Variants in ANKRD33B observed in about 807,000 individuals in gnomAD.
ANKRD33B encodes ankyrin repeat domain-containing protein 33B.
ANKRD33B carries 6 observed loss-of-function variants against 21.5 expected under a neutral mutation model. The observed-to-expected ratio is 0.28, with a 90% CI of 0.15 to 0.55. The LOEUF is 0.55. Ranked by LOEUF, ANKRD33B falls within the 20% of genes least tolerant of loss-of-function variation. The probability of loss-of-function intolerance (pLI) is 0.94; values close to 1 mark genes in which losing one functional copy is unlikely to be tolerated. For missense variants in ANKRD33B, 698 were observed against 747.2 expected, an observed-to-expected ratio of 0.93 and a Z score of 0.77; for synonymous variants, 347 against 342.4, an observed-to-expected ratio of 1.01 and a Z score of -0.15.
intron 2 of ANKRD33B, chr5:10,624,642 C>T (rs1171192100): frequency 4.7e-6 from 2 of 423,006 alleles, no homozygotes; most frequent in Admixed American, 5.4e-5. Context: ...TAAACAAACA[C>T]AGATTAAAAA....
At chr5:10,574,646 AG>A (rs1190955753) in intron 1 of ANKRD33B, among the ~76,000 whole-genome samples, 1 of 152,246 alleles carries the variant, frequency 6.6e-6, no homozygotes, top group Non-Finnish European at 1.5e-5. Flanking sequence ...ATTCTCTGAA[AG>A]TAATAATAAA....
At chr5:10,649,121 C>CA (rs1232067808) in intron 3 of ANKRD33B, 145 bp from the exon 4 acceptor site, 4 of 1,407,720 alleles carry the variant, frequency 2.8e-6, no homozygotes, top group Non-Finnish European at 3.7e-6. Context: ...ACAGGGTTCG[C>CA]AGAGTGAACT....
At position 10,650,145 on chromosome 5, in the gene ANKRD33B, T is replaced by G; in HGVS notation, c.*32T>G. On this transcript the variant is annotated 3_prime_UTR_variant, in exon 4 of 4. Transcript: ENST00000296657. Reference sequence around the variant, plus strand: ...GTGTGCCTGGCGCTGGGGCCGGGGCTGGGGCCGGGGCGGGGCCGCAGGGCT... The same window carrying G: ...GTGTGCCTGGCGCTGGGGCCGGGGCGGGGGCCGGGGCGGGGCCGCAGGGCT... The G allele has an allele frequency of 2.7e-6, 2 of 740,618 alleles. No individual in the cohort carries two copies. The highest frequency in any genetic ancestry group is 4.3e-5 in the South Asian group (2 of 46,368). 45.9% of individuals were successfully genotyped at this position (740,618 alleles called of 1,614,324 possible). A position where few individuals can be genotyped will look rare whatever the true frequency, so the allele number is the denominator to read the frequency against.
intron 1 of ANKRD33B, among the ~76,000 whole-genome samples, chr5:10,610,859 A>G (rs1736154531): frequency 6.6e-6 from 1 of 152,134 alleles, no homozygotes; most frequent in African/African-American, 2.4e-5. Context: ...AGCTTGGCCA[A>G]CGTGGCGAAA....
intron 1 of ANKRD33B, among the ~76,000 whole-genome samples, chr5:10,600,201 A>G (rs1313366231): frequency 1.3e-5 from 2 of 152,236 alleles, no homozygotes; most frequent in Non-Finnish European, 2.9e-5. Flanking sequence ...GAGATAATTT[A>G]CATACAGTGA....
intron 3 of ANKRD33B, among the ~76,000 whole-genome samples, chr5:10,640,910 G>A (rs1737037316): frequency 6.6e-6 from 1 of 152,214 alleles, no homozygotes; most frequent in African/African-American, 2.4e-5. Context: ...GGGACACCGA[G>A]GTACCCTCAA....
In ANKRD33B at chr5:10,608,356, TA is replaced by T. The variant is rs1218246439; in HGVS notation, c.367-9959del. ...CTAGGCAACAGAGCGAGACTCCATC[TA>T]AAAAAAAAAAAAAAAAAGAGCCGTG... On this transcript the variant is annotated intron_variant, in intron 1 of 3. Coordinates refer to ENST00000296657, the MANE Select transcript of ANKRD33B (RefSeq NM_001164440.2). Among the ~76,000 whole-genome samples the T allele has an allele frequency of 5.9e-3, 644 of 108,392 alleles. 1 individual carries two copies. Among genetic ancestry groups the T allele is most frequent in the Middle Eastern group, 0.056 (13 of 232 alleles). The allele number at this position is 108,392 out of a possible 152,430, so 71.1% of individuals were successfully genotyped here.
intron 1 of ANKRD33B, among the ~76,000 whole-genome samples, chr5:10,591,828 G>T (rs904892941): frequency 2.8e-5 from 4 of 144,770 alleles, no homozygotes; most frequent in African/African-American, 1.0e-4. Flanking sequence ...AAATCATTCT[G>T]TGAATGTCAC....
chr5:10,583,188 A>G (rs185659028), intron 1 of ANKRD33B, among the ~76,000 whole-genome samples: 1 of 152,006 alleles, frequency 6.6e-6, no homozygotes, highest in Non-Finnish European at 1.5e-5. Context: ...TAGTAGAGAC[A>G]GGTTTTCCCC....
intron 3 of ANKRD33B, among the ~76,000 whole-genome samples, chr5:10,646,549 G>A (rs1737193084): frequency 1.3e-5 from 2 of 152,112 alleles, no homozygotes; most frequent in South Asian, 4.1e-4. Flanking sequence ...GCAAAACTTT[G>A]GACAGATCTT....
chr5:10,649,859 C>T lies in ANKRD33B; in HGVS notation c.1231C>T (p.Arg411Cys), dbSNP rs1737294852. 2.1e-6 allele frequency: 3 copies of T among 1,426,676 alleles called. No individual in the cohort carries two copies. The highest frequency in any genetic ancestry group is 1.5e-5 in the African/African-American group (1 of 66,462). 88.4% of individuals were successfully genotyped at this position (1,426,676 alleles called of 1,614,324 possible). A position where few individuals can be genotyped will look rare whatever the true frequency, so the allele number is the denominator to read the frequency against. ...GAAGGCCAGCCTCCTGCCCCTGCAG[C>T]GCCTGCGGCGGAGAAGCGTGCGGCC... ...PRKASLLPLQ[R>C]LRRRSVRPGV... is the part of the protein sequence containing the mutation. The change falls in exon 4 of 4, where the codon CGC becomes TGC. Residue 411 changes from arginine to cysteine, a missense_variant. Physicochemically the swap from Arg to Cys is radical, Grantham distance 180. This residue lies in a region of ANKRD33B where 543 missense variants were observed against 566.5 expected (regional missense o/e 0.96). Transcript: ENST00000296657.
At chr5:10,610,887 T>TA (rs987084862) in intron 1 of ANKRD33B, among the ~76,000 whole-genome samples, 61 of 151,868 alleles carry the variant, frequency 4.0e-4, no homozygotes, top group African/African-American at 1.4e-3. Context: ...CTACTAAAAA[T>TA]AAAAAAATTA....
At chr5:10,571,892 CT>C (rs11433872) in intron 1 of ANKRD33B, among the ~76,000 whole-genome samples, 210 of 144,230 alleles carry the variant, frequency 1.5e-3, no homozygotes, top group African/African-American at 4.4e-3. Flanking sequence ...TTTCTTTTTT[CT>C]TTTTTTTTTT....
Position 10,638,258 on chromosome 5 carries a change from A to G in ANKRD33B, c.637+90A>G, listed in dbSNP as rs1263709834. ...ATATGTTTTGAGATTAATCACTCCC[A>G]TAGAAACAATGCCTAGTTGCTGCAA... On this transcript the variant is annotated intron_variant, in intron 3 of 3. Transcript: ENST00000296657. 2.9e-6 allele frequency: 4 copies of G among 1,390,544 alleles called. No individual in the cohort carries two copies. In the African/African-American group the frequency reaches 5.8e-5, roughly 20 times the overall value. The allele number at this position is 1,390,544 out of a possible 1,614,324, so 86.1% of individuals were successfully genotyped here.
rs528604653 is a variant in ANKRD33B, at chr5:10,588,253, G to A, written c.366+23420G>A. Among the ~76,000 whole-genome samples the A allele has an allele frequency of 3.0e-4, 46 of 152,222 alleles. 1 individual carries two copies. The highest frequency in any genetic ancestry group is 9.9e-4 in the African/African-American group (41 of 41,528). ...ACTTTAGCGACATTTAATATAATAC[G>A]GTACTTATAATCTTTTTTCCTTAGC... On this transcript the variant is annotated intron_variant, in intron 1 of 3. Coordinates refer to ENST00000296657, the MANE Select transcript of ANKRD33B (RefSeq NM_001164440.2).
intron 2 of ANKRD33B, among the ~76,000 whole-genome samples, chr5:10,628,570 C>T (rs1162741603): frequency 1.3e-5 from 2 of 152,216 alleles, no homozygotes; most frequent in Non-Finnish European, 2.9e-5. Flanking sequence ...ATCCTCTAGC[C>T]TCAGCCTCCC....
intron 1 of ANKRD33B, among the ~76,000 whole-genome samples, chr5:10,573,629 C>A (rs559529043): frequency 6.6e-6 from 1 of 152,138 alleles, no homozygotes; most frequent in Admixed American, 6.5e-5. Flanking sequence ...CTGGGGAGGC[C>A]CCAGGAAACT....
intron 1 of ANKRD33B, among the ~76,000 whole-genome samples, chr5:10,612,745 C>A (rs1560973746): frequency 6.6e-6 from 1 of 152,306 alleles, no homozygotes; most frequent in African/African-American, 2.4e-5. Flanking sequence ...TTTTCTTAGA[C>A]CCCTGATGAT....
At chr5:10,623,140 G>A (rs1736460997) in intron 2 of ANKRD33B, among the ~76,000 whole-genome samples, 1 of 152,158 alleles carries the variant, frequency 6.6e-6, no homozygotes, top group Admixed American at 6.5e-5. Context: ...GGGGGAAGGT[G>A]GCCTCGGGAG....
Sources: allele counts gnomAD v4.1 joint callset (sites outside exome capture counted in the v4.1 genomes callset), GRCh38; gene constraint gnomAD v4.1.1; regional missense constraint gnomAD v4.1.1; transcripts MANE v1.5; gene names NCBI Gene and HGNC (gene_info 2026-07-23, HGNC 2026-07-21).